Variants in PTPN2 observed in about 807,000 individuals in gnomAD.
PTPN2 encodes tyrosine-protein phosphatase non-receptor type 2.
PTPN2 carries 19 observed loss-of-function variants against 57.3 expected under a neutral mutation model. That is an observed-to-expected ratio of 0.33 (90% CI 0.23 to 0.49). The LOEUF (loss-of-function observed/expected upper bound fraction) is 0.49. Ranked by LOEUF, PTPN2 falls within the 20% of genes least tolerant of loss-of-function variation. PTPN2 has a pLI of 0.99. For synonymous variants in PTPN2, 153 were observed against 164.9 expected, an observed-to-expected ratio of 0.93 and a Z score of 0.55; for missense variants, 358 against 501.1, an observed-to-expected ratio of 0.71 and a Z score of 2.73.
chr18:12,809,773 G>A (rs1381464432), intron 7 of PTPN2, among the ~76,000 whole-genome samples: 4 of 152,220 alleles, frequency 2.6e-5, no homozygotes, highest in African/African-American at 9.6e-5. Flanking sequence ...ATATGGTACT[G>A]TTAAAAGCAA....
intron 2 of PTPN2, among the ~76,000 whole-genome samples, chr18:12,837,732 C>T (rs1230398169): frequency 1.3e-5 from 2 of 151,396 alleles, no homozygotes; most frequent in African/African-American, 4.8e-5. Context: ...ACAAGTTGTC[C>T]CTCTCAAAGA....
chr18:12,845,004 C>T (rs2043167071), intron 2 of PTPN2, among the ~76,000 whole-genome samples: 1 of 152,178 alleles, frequency 6.6e-6, no homozygotes, highest in Admixed American at 6.5e-5. Context: ...TTATGTTCCA[C>T]TGACTTATGT....
intron 7 of PTPN2, among the ~76,000 whole-genome samples, chr18:12,812,693 C>A (rs924517196): frequency 6.6e-6 from 1 of 152,042 alleles, no homozygotes; most frequent in African/African-American, 2.4e-5. Flanking sequence ...TCTAAATGCA[C>A]CAATTAAAAA....
At chr18:12,881,862 G>A (rs1354870103) in intron 1 of PTPN2, among the ~76,000 whole-genome samples, 1 of 152,166 alleles carries the variant, frequency 6.6e-6, no homozygotes, top group Non-Finnish European at 1.5e-5. Context: ...TATTTACAGG[G>A]CTGCATCCTT....
chr18:12,863,951 T>C (rs2043904991), intron 1 of PTPN2: 1 of 152,320 alleles, frequency 6.6e-6, no homozygotes, highest in East Asian at 1.9e-4. Flanking sequence ...AAGATATCTT[T>C]CACAGTTACT....
chr18:12,871,186 C>G (rs1360701642), intron 1 of PTPN2, among the ~76,000 whole-genome samples: 2 of 152,182 alleles, frequency 1.3e-5, no homozygotes, highest in African/African-American at 4.8e-5. Flanking sequence ...GTATTCATCA[C>G]TTAGCCAGTC....
At chr18:12,791,638 C>T (rs1311626444), downstream of PTPN2, among the ~76,000 whole-genome samples, 4 of 152,064 alleles carry the variant, frequency 2.6e-5, no homozygotes, top group Non-Finnish European at 4.4e-5. Flanking sequence ...AAAAACTGAA[C>T]ACTATTTAAA....
At chr18:12,883,824 A>C in intron 1 of PTPN2, 1 of 365,510 alleles carries the variant, frequency 2.7e-6, no homozygotes. Flanking sequence ...CGCCCTCCAG[A>C]ACTAACTGCG....
chr18:12,849,933 T>G (rs901221285), intron 2 of PTPN2, among the ~76,000 whole-genome samples: 7 of 152,120 alleles, frequency 4.6e-5, no homozygotes, highest in African/African-American at 1.7e-4. Flanking sequence ...GCTTTCTTTG[T>G]ATACCTGTAT....
chr18:12,883,979 C>CGG (rs1176136739), intron 1 of PTPN2, 94 bp downstream of exon 1: 4 of 1,154,768 alleles, frequency 3.5e-6, no homozygotes, highest in Admixed American at 4.6e-5. Context: ...AGGCTAGAGG[C>CGG]GAGAGGCGGG....
At chr18:12,874,819 A>G (rs1000116700) in intron 1 of PTPN2, among the ~76,000 whole-genome samples, 63 of 152,328 alleles carry the variant, frequency 4.1e-4, no homozygotes, top group African/African-American at 1.4e-3. Flanking sequence ...CCAACAGCTC[A>G]TTGAGAACAG....
At chr18:12,870,439 GTGTATATATATAT>G (rs2044206859) in intron 1 of PTPN2, among the ~76,000 whole-genome samples, 6 of 30,364 alleles carry the variant, frequency 2.0e-4, no homozygotes, top group Admixed American at 5.3e-4. Context: ...ATATATATAT[GTGTATATATATAT>G]ATATATATAT....
At chr18:12,816,675 G>C (rs1013797489) in intron 6 of PTPN2, among the ~76,000 whole-genome samples, 5 of 152,174 alleles carry the variant, frequency 3.3e-5, no homozygotes, top group Non-Finnish European at 7.3e-5. Flanking sequence ...GGGAGTAACA[G>C]TAATACTGAC....
chr18:12,785,857 A>T lies in PTPN2; in HGVS notation c.1143-13T>A, dbSNP rs755513272. The T allele has an allele frequency of 1.9e-5, 31 of 1,596,132 alleles. No individual in the cohort carries two copies. Among genetic ancestry groups the T allele is most frequent in the Non-Finnish European group, 2.3e-5 (27 of 1,163,774 alleles). ...TGTCAATCTTGGCCTAAAACATAAA[A>T]TAAGAAGTCATCTATTCAATTCATA... On this transcript the variant is annotated splice_polypyrimidine_tract_variant and intron_variant, in intron 9 of 9. Transcript: ENST00000327283.
chr18:12,798,077 T>G (rs2041261230), intron 8 of PTPN2, among the ~76,000 whole-genome samples: 1 of 152,218 alleles, frequency 6.6e-6, no homozygotes, highest in Non-Finnish European at 1.5e-5. Flanking sequence ...TCTGGGTTTC[T>G]GGGTTGAACT....
At chr18:12,850,653 A>C (rs1221466551) in intron 2 of PTPN2, among the ~76,000 whole-genome samples, 1 of 152,124 alleles carries the variant, frequency 6.6e-6, no homozygotes, top group Non-Finnish European at 1.5e-5. Flanking sequence ...GAAATGTTAA[A>C]ACTTCCAAAT....
At chr18:12,855,234 T>C (rs77670372) in intron 2 of PTPN2, among the ~76,000 whole-genome samples, 15,136 of 152,170 alleles carry the variant, frequency 0.099, 996 homozygotes, top group Non-Finnish European at 0.15. Context: ...TTGATTCTTT[T>C]AAGCCTGTGT....
chr18:12,799,724 G>A (rs886194564), intron 8 of PTPN2, among the ~76,000 whole-genome samples: 3 of 151,926 alleles, frequency 2.0e-5, no homozygotes, highest in African/African-American at 7.2e-5. Context: ...GACAACAGGC[G>A]TTAATGCCTC....
At chr18:12,858,418 A>G (rs1204372196) in intron 2 of PTPN2, among the ~76,000 whole-genome samples, 1 of 152,240 alleles carries the variant, frequency 6.6e-6, no homozygotes, top group Non-Finnish European at 1.5e-5. Flanking sequence ...AATACACCAA[A>G]GAACTCTAGT....
Sources: allele counts gnomAD v4.1 joint callset (sites outside exome capture counted in the v4.1 genomes callset), GRCh38; gene constraint gnomAD v4.1.1; transcripts MANE v1.5; gene names NCBI Gene and HGNC (gene_info 2026-07-23, HGNC 2026-07-21).